Variants in GRIA4 observed in about 807,000 individuals in gnomAD.
GRIA4 encodes glutamate ionotropic receptor AMPA type subunit 4.
GRIA4 carries 34 observed loss-of-function variants against 104.0 expected under a neutral mutation model. That is an observed-to-expected ratio of 0.33 (90% CI 0.25 to 0.44). GRIA4 has a LOEUF of 0.44. Among genes scored for constraint, GRIA4 ranks in the 20% least tolerant of loss-of-function variants. The probability of loss-of-function intolerance (pLI) is 1.00; values close to 1 mark genes in which losing one functional copy is unlikely to be tolerated. For missense variants in GRIA4, 750 were observed against 1,096.5 expected (o/e 0.68, Z 4.46); for synonymous variants, 386 against 381.9 (o/e 1.01, Z -0.13).
rs1947104654 is a variant in GRIA4, at chr11:105,907,976, G to T, written c.1159-2459G>T. ...ATCTTGACTCAGGTTTCAAGATCTT[G>T]AAACATCATCAGTCCCACTGCCTAT... On this transcript the variant is annotated intron_variant, in intron 9 of 16. Coordinates refer to ENST00000282499, the MANE Select transcript of GRIA4 (RefSeq NM_000829.4). 2.0e-5 allele frequency among the ~76,000 whole-genome samples: 3 copies of T among 152,014 alleles called. No homozygotes were observed. In the South Asian group the frequency reaches 6.2e-4, roughly 32 times the overall value.
chr11:105,904,057 T>G (rs967249843), intron 8 of GRIA4, 76 bp downstream of exon 8: 12 of 1,003,414 alleles, frequency 1.2e-5, no homozygotes, highest in Non-Finnish European at 1.8e-5. Context: ...ACAGACTAAT[T>G]TATCCAAGCA....
chr11:105,625,742 G>T (rs1950870821), intron 3 of GRIA4, among the ~76,000 whole-genome samples: 2 of 151,962 alleles, frequency 1.3e-5, no homozygotes, highest in African/African-American at 4.8e-5. Flanking sequence ...GATTATGTGG[G>T]TCTTAATTAT....
Position 105,905,676 on chromosome 11 carries a change from C to A in GRIA4, c.1158+375C>A, listed in dbSNP as rs529142154. Reference sequence around the variant, plus strand: ...ATTTATGAAATTATTAGAGCAAGTACAAACAAACTACTTCTAATGGGTGAA... The same window carrying A: ...ATTTATGAAATTATTAGAGCAAGTAAAAACAAACTACTTCTAATGGGTGAA... On this transcript the variant is annotated intron_variant, in intron 9 of 16. Transcript: ENST00000282499. Among the ~76,000 whole-genome samples, 6 of 152,252 alleles carry A rather than the reference C, an allele frequency of 3.9e-5. No individual in the cohort carries two copies. The South Asian group carries it at 1.2e-3, about 32-fold the overall frequency.
intron 4 of GRIA4, among the ~76,000 whole-genome samples, chr11:105,819,630 G>A (rs1325613383): frequency 6.6e-6 from 1 of 152,014 alleles, no homozygotes; most frequent in African/African-American, 2.4e-5. Flanking sequence ...CACATGAAAC[G>A]CTCCTGGGTA....
intron 4 of GRIA4, among the ~76,000 whole-genome samples, chr11:105,812,460 T>C (rs11226855): frequency 0.12 from 18,694 of 152,248 alleles, 1,260 homozygotes; most frequent in Admixed American, 0.22. Context: ...TTGAGTCCCT[T>C]TTCTGTTACC....
At position 105,658,635 on chromosome 11, in the gene GRIA4, T is replaced by G. The variant is rs143274030; in HGVS notation, c.247+46201T>G. Among the ~76,000 whole-genome samples, 1,049 of 151,770 alleles carry G rather than the reference T, an allele frequency of 6.9e-3. 16 individuals are homozygous for G. The highest frequency in any genetic ancestry group is 0.047 in the East Asian group (240 of 5,140). The stretch of plus-strand genomic sequence containing the variant: ...GATGGAAAAATACTCATAAACAAAG[T>G]GGCAAGTGAGAGAAATTATTTTGGG... On this transcript the variant is annotated intron_variant, in intron 3 of 16. Coordinates refer to ENST00000282499, the MANE Select transcript of GRIA4 (RefSeq NM_000829.4).
At chr11:105,912,279 T>C (rs1365681961) in intron 10 of GRIA4, 2 of 971,674 alleles carry the variant, frequency 2.1e-6, no homozygotes, top group Non-Finnish European at 2.4e-6. Context: ...TTTCTGAATA[T>C]ATACAGTTGT....
intron 5 of GRIA4, among the ~76,000 whole-genome samples, chr11:105,876,400 G>T (rs929896043): frequency 1.3e-5 from 2 of 152,168 alleles, no homozygotes; most frequent in Non-Finnish European, 2.9e-5. Flanking sequence ...GTTGATTTGG[G>T]GTGGAGAGTT....
intron 10 of GRIA4, among the ~76,000 whole-genome samples, chr11:105,917,242 G>A (rs2136181172): frequency 6.6e-6 from 1 of 152,242 alleles, no homozygotes; most frequent in Middle Eastern, 3.4e-3. Flanking sequence ...TAAAAAAAGT[G>A]GGAGGTTTCT....
intron 3 of GRIA4, among the ~76,000 whole-genome samples, chr11:105,624,087 T>C (rs1950823988): frequency 6.6e-6 from 1 of 152,132 alleles, no homozygotes; most frequent in Admixed American, 6.6e-5. Context: ...AAATAAATAT[T>C]ACATATTTTG....
chr11:105,728,839 A>G (rs1315882223), intron 3 of GRIA4, among the ~76,000 whole-genome samples: 1 of 152,218 alleles, frequency 6.6e-6, no homozygotes, highest in East Asian at 1.9e-4. Context: ...AATCTCTGGG[A>G]CACAGCTAAA....
chr11:105,958,261 C>A (rs1948641894), intron 14 of GRIA4, among the ~76,000 whole-genome samples: 1 of 152,066 alleles, frequency 6.6e-6, no homozygotes, highest in Admixed American at 6.6e-5. Flanking sequence ...TCATAAATAG[C>A]TCTTATTATT....
At chr11:105,685,195 G>GAGGA (rs368361533) in intron 3 of GRIA4, among the ~76,000 whole-genome samples, 11 of 148,600 alleles carry the variant, frequency 7.4e-5, no homozygotes, top group Admixed American at 1.3e-4. Context: ...GGGAGGGAGG[G>GAGGA]AGGAAGGAAG....
At chr11:105,813,422 C>A (rs534588706) in intron 4 of GRIA4, among the ~76,000 whole-genome samples, 1 of 152,058 alleles carries the variant, frequency 6.6e-6, no homozygotes, top group African/African-American at 2.4e-5. Flanking sequence ...AAGAAAATTT[C>A]AAGGAGGAGA....
At chr11:105,735,333 A>G (rs1000322575) in intron 3 of GRIA4, among the ~76,000 whole-genome samples, 9 of 152,174 alleles carry the variant, frequency 5.9e-5, no homozygotes, top group African/African-American at 9.6e-5. Flanking sequence ...TCAGCAAAAG[A>G]GAAAGGATAA....
chr11:105,978,275 G>A (rs183611407), intron 16 of GRIA4, among the ~76,000 whole-genome samples: 108 of 152,092 alleles, frequency 7.1e-4, no homozygotes, highest in Non-Finnish European at 1.2e-3. Context: ...TAATCAAGTA[G>A]AAGTGTTGTT....
intron 10 of GRIA4, among the ~76,000 whole-genome samples, chr11:105,915,085 A>G (rs991867149): frequency 1.3e-5 from 2 of 152,194 alleles, no homozygotes; most frequent in African/African-American, 4.8e-5. Context: ...ATGAAAGGAA[A>G]GCAAAGCAAA....
At chr11:105,641,783 T>G (rs1951368120) in intron 3 of GRIA4, among the ~76,000 whole-genome samples, 1 of 152,194 alleles carries the variant, frequency 6.6e-6, no homozygotes, top group Non-Finnish European at 1.5e-5. Flanking sequence ...AGTCTATTTC[T>G]TACAGCATAC....
chr11:105,945,370 T>G, intron 14 of GRIA4: 3 of 188,206 alleles, frequency 1.6e-5, no homozygotes, highest in Non-Finnish European at 3.0e-5. Context: ...TAGTGTCTTG[T>G]GAGACCTGAG....
Sources: allele counts gnomAD v4.1 joint callset (sites outside exome capture counted in the v4.1 genomes callset), GRCh38; gene constraint gnomAD v4.1.1; transcripts MANE v1.5; gene names NCBI Gene and HGNC (gene_info 2026-07-23, HGNC 2026-07-21).